EDIL3: variants seen among roughly 807,000 people sequenced by gnomAD.
EDIL3 encodes the protein EGF-like repeat and discoidin I-like domain-containing protein 3.
EDIL3 carries 37 observed loss-of-function variants against 67.4 expected under a neutral mutation model. That is an observed-to-expected ratio of 0.55 (90% CI 0.42 to 0.72). The LOEUF is 0.72. EDIL3 is among the 30% of genes least tolerant of loss of function. The pLI is 0.00. For synonymous variants in EDIL3, 195 were observed against 196.3 expected, an observed-to-expected ratio of 0.99 and a Z score of 0.05; for missense variants, 527 against 586.3, an observed-to-expected ratio of 0.90 and a Z score of 1.04.
At chr5:84,180,826 A>G (rs978638719) in intron 3 of EDIL3, among the ~76,000 whole-genome samples, 1 of 152,222 alleles carries the variant, frequency 6.6e-6, no homozygotes, top group Non-Finnish European at 1.5e-5. Flanking sequence ...GAGTTCATAC[A>G]TATAAAATAC....
At chr5:84,201,863 G>GA (rs1317205534) in intron 3 of EDIL3, among the ~76,000 whole-genome samples, 2 of 152,096 alleles carry the variant, frequency 1.3e-5, no homozygotes, top group Non-Finnish European at 2.9e-5. Context: ...TGCAAAAAGA[G>GA]AGAGTGCACT....
intron 9 of EDIL3, among the ~76,000 whole-genome samples, chr5:84,049,814 A>G (rs931624558): frequency 6.6e-6 from 1 of 152,052 alleles, no homozygotes; most frequent in African/African-American, 2.4e-5. Flanking sequence ...GCCCTCACAC[A>G]TTTTTGCCAT....
chr5:84,221,590 G>A (rs1020659027), intron 3 of EDIL3, among the ~76,000 whole-genome samples: 34 of 152,060 alleles, frequency 2.2e-4, no homozygotes, highest in Admixed American at 1.6e-3. Flanking sequence ...AGCACTATTT[G>A]GTCTTTCCAC....
In EDIL3 at chr5:84,151,264, T is replaced by TACACACACACAC. The variant is rs201338208; in HGVS notation, c.356-13922_356-13911dup. Among the ~76,000 whole-genome samples the TACACACACACAC allele has an allele frequency of 4.3e-3, 556 of 129,544 alleles. 4 individuals are homozygous for TACACACACACAC. The highest frequency in any genetic ancestry group is 0.015 in the African/African-American group (510 of 33,730). The allele number at this position is 129,544 out of a possible 152,430, so 85.0% of individuals were successfully genotyped here. A position where few individuals can be genotyped will look rare whatever the true frequency, so the allele number is the denominator to read the frequency against. On this transcript the variant is annotated intron_variant, in intron 4 of 10. Transcript: ENST00000296591. ...AGAACTGCATACACACACACGCACA[T>TACACACACACAC]ACACACACACACACACACACACACA...
At chr5:84,200,464 A>G (rs1743807881) in intron 3 of EDIL3, among the ~76,000 whole-genome samples, 1 of 152,024 alleles carries the variant, frequency 6.6e-6, no homozygotes, top group African/African-American at 2.4e-5. Flanking sequence ...AAGTAACACC[A>G]TAAGTTTTGA....
intron 3 of EDIL3, among the ~76,000 whole-genome samples, chr5:84,203,548 T>C (rs1374960376): frequency 1.3e-5 from 2 of 152,146 alleles, no homozygotes; most frequent in Non-Finnish European, 2.9e-5. Flanking sequence ...ATGAGATGCA[T>C]GGGAACCTCT....
chr5:83,969,436 T>C (rs2112136026), intron 9 of EDIL3, among the ~76,000 whole-genome samples: 1 of 151,902 alleles, frequency 6.6e-6, no homozygotes, highest in Non-Finnish European at 1.5e-5. Context: ...ATACAAATAA[T>C]AGTAATTCCT....
chr5:83,984,024 C>A (rs1745016062), intron 9 of EDIL3, among the ~76,000 whole-genome samples: 1 of 151,908 alleles, frequency 6.6e-6, no homozygotes, highest in African/African-American at 2.4e-5. Flanking sequence ...CTGAACTCAG[C>A]ATTGACTTAA....
intron 9 of EDIL3, among the ~76,000 whole-genome samples, chr5:84,057,632 A>T (rs1017561339): frequency 6.6e-6 from 1 of 151,988 alleles, no homozygotes; most frequent in Non-Finnish European, 1.5e-5. Context: ...TTCCTTATTT[A>T]AAAAAAAGTC....
intron 8 of EDIL3, 49 bp from the exon 9 acceptor site, chr5:84,060,533 G>C: frequency 6.3e-7 from 1 of 1,595,810 alleles, no homozygotes; most frequent in Admixed American, 1.8e-5. Flanking sequence ...TGATCACCTG[G>C]AACTTTTCTG....
chr5:84,191,330 A>T (rs1743580994), intron 3 of EDIL3, among the ~76,000 whole-genome samples: 1 of 152,020 alleles, frequency 6.6e-6, no homozygotes, highest in Non-Finnish European at 1.5e-5. Context: ...GTCCTCCGTG[A>T]CTGCCATGTT....
intron 6 of EDIL3, among the ~76,000 whole-genome samples, chr5:84,103,915 C>A (rs575365077): frequency 2.0e-5 from 3 of 152,020 alleles, no homozygotes; most frequent in Admixed American, 6.6e-5. Context: ...GGCACATGCA[C>A]GCCTATGTTC....
At chr5:84,199,880 T>C (rs184520863) in intron 3 of EDIL3, among the ~76,000 whole-genome samples, 1 of 152,176 alleles carries the variant, frequency 6.6e-6, no homozygotes, top group African/African-American at 2.4e-5. Flanking sequence ...GCAAATTTAT[T>C]CTGTAACCAA....
Position 84,384,429 on chromosome 5 carries a change from T to C in EDIL3, c.-55A>G. 6.3e-7 allele frequency: 1 copy of C among 1,595,312 alleles called. No individual in the cohort carries two copies. Among genetic ancestry groups the C allele is most frequent in the Non-Finnish European group, 8.6e-7 (1 of 1,165,694 alleles). On this transcript the variant is annotated 5_prime_UTR_variant, in exon 1 of 11. Coordinates refer to ENST00000296591, the MANE Select transcript of EDIL3 (RefSeq NM_005711.5). ...GGTCAGGGGTCGTCGCGGAGGGCAG[T>C]GTAGCCGAGGTGGCAGCGCAGGGCA... is the stretch of plus-strand genomic sequence containing the variant.
chr5:84,367,270 T>G (rs568116562), intron 1 of EDIL3, among the ~76,000 whole-genome samples: 76 of 152,264 alleles, frequency 5.0e-4, no homozygotes, highest in African/African-American at 1.7e-3. Context: ...TGTTTTAAAT[T>G]TAATGACTTT....
chr5:84,373,493 C>T (rs1238101678), intron 1 of EDIL3, among the ~76,000 whole-genome samples: 1 of 152,132 alleles, frequency 6.6e-6, no homozygotes, highest in Non-Finnish European at 1.5e-5. Flanking sequence ...AACCTTTCAG[C>T]CCTTCCAGGA....
At chr5:83,974,693 T>C (rs1161207212) in intron 9 of EDIL3, among the ~76,000 whole-genome samples, 1 of 152,058 alleles carries the variant, frequency 6.6e-6, no homozygotes, top group Admixed American at 6.6e-5. Flanking sequence ...GAGAGCCTCA[T>C]TAAAAGTCAT....
intron 1 of EDIL3, among the ~76,000 whole-genome samples, chr5:84,382,901 A>ATATATCCCATT (rs1748118582): frequency 6.6e-6 from 1 of 152,046 alleles, no homozygotes; most frequent in Non-Finnish European, 1.5e-5. Context: ...GGCCCAGGCA[A>ATATATCCCATT]GGCGCGGCCA....
At chr5:84,306,832 G>C (rs1291819686) in intron 1 of EDIL3, among the ~76,000 whole-genome samples, 1 of 152,122 alleles carries the variant, frequency 6.6e-6, no homozygotes, top group Non-Finnish European at 1.5e-5. Flanking sequence ...TTGTGCACTG[G>C]CTTTAAACCC....
Sources: allele counts gnomAD v4.1 joint callset (sites outside exome capture counted in the v4.1 genomes callset), GRCh38; gene constraint gnomAD v4.1.1; transcripts MANE v1.5; gene names NCBI Gene and HGNC (gene_info 2026-07-23, HGNC 2026-07-21).